The following PRKG1 variants were observed in gnomAD, a reference collection of about 807,000 sequenced individuals.
PRKG1 encodes cGMP-dependent protein kinase 1.
In PRKG1, 35 loss-of-function variants were observed where a neutral mutation model predicts 88.1. That is an observed-to-expected ratio of 0.40 (90% CI 0.30 to 0.53). The LOEUF (loss-of-function observed/expected upper bound fraction) is 0.53, where lower values mean the gene tolerates loss of function less well. PRKG1 is among the 20% of genes least tolerant of loss of function. PRKG1 has a pLI of 0.59. For missense variants in PRKG1, 540 were observed against 839.8 expected, an observed-to-expected ratio of 0.64 and a Z score of 4.41; for synonymous variants, 303 against 292.5, an observed-to-expected ratio of 1.04 and a Z score of -0.37.
chr10:52,279,943 G>A (rs1260327254), intron 12 of PRKG1, among the ~76,000 whole-genome samples: 8 of 151,546 alleles, frequency 5.3e-5, no homozygotes, highest in South Asian at 4.2e-4. Context: ...AAGTTAAGAC[G>A]TTCTGCCCTA....
At chr10:51,391,066 G>T (rs1293048312) in intron 2 of PRKG1, among the ~76,000 whole-genome samples, 1 of 152,176 alleles carries the variant, frequency 6.6e-6, no homozygotes, top group Non-Finnish European at 1.5e-5. Flanking sequence ...ACTGAGAGGG[G>T]GAGAGGCTGT....
At position 51,091,696 on chromosome 10, in the gene PRKG1, A is replaced by G. The variant is rs575969819; in HGVS notation, c.311+16795A>G. Among the ~76,000 whole-genome samples, 4 of 152,276 alleles carry G rather than the reference A, an allele frequency of 2.6e-5. No homozygotes were observed. In the East Asian group the frequency reaches 5.8e-4, roughly 22 times the overall value. On this transcript the variant is annotated intron_variant, in intron 1 of 17. Transcript: ENST00000373980. The stretch of plus-strand genomic sequence containing the variant: ...CCTAGATCTGGTATATTAGTGTATT[A>G]ATGATCTGATTAGCAGTAACAACAG...
At position 52,188,250 on chromosome 10, in the gene PRKG1, G is replaced by A. The variant is rs71490906; in HGVS notation, c.1076+26287G>A. Among the ~76,000 whole-genome samples, 24 of 46,852 alleles carry A rather than the reference G, an allele frequency of 5.1e-4. 1 individual carries two copies. The East Asian group carries it at 5.4e-3, about 10-fold the overall frequency. The allele number at this position is 46,852 out of a possible 152,430, so 30.7% of individuals were successfully genotyped here. On this transcript the variant is annotated intron_variant, in intron 9 of 17. Coordinates refer to ENST00000373980, the MANE Select transcript of PRKG1 (RefSeq NM_006258.4). ...CATATGTATATATATACATATATAT[G>A]TGTATATATATACATATGTATATAT...
chr10:51,762,108 A>T (rs1043822030), intron 3 of PRKG1, among the ~76,000 whole-genome samples: 1 of 152,230 alleles, frequency 6.6e-6, no homozygotes, highest in Admixed American at 6.5e-5. Flanking sequence ...ATAGAAGCAG[A>T]TATAAGAACA....
chr10:52,068,163 A>G (rs1275021645), intron 7 of PRKG1, among the ~76,000 whole-genome samples: 1 of 135,812 alleles, frequency 7.4e-6, no homozygotes, highest in Non-Finnish European at 1.5e-5. Flanking sequence ...AGATCGCGCC[A>G]CTGCACTCCA....
At chr10:51,461,192 C>T (rs1285899133) in intron 2 of PRKG1, among the ~76,000 whole-genome samples, 1 of 152,070 alleles carries the variant, frequency 6.6e-6, no homozygotes, top group Non-Finnish European at 1.5e-5. Context: ...TTTGCCTAAT[C>T]TAAGGAGAAG....
chr10:51,440,802 A>G (rs1839081835), intron 2 of PRKG1, among the ~76,000 whole-genome samples: 1 of 151,930 alleles, frequency 6.6e-6, no homozygotes, highest in South Asian at 2.1e-4. Flanking sequence ...AAACTTCTCC[A>G]GGAAAGGTAG....
At chr10:51,564,625 A>G (rs1318838747) in intron 3 of PRKG1, among the ~76,000 whole-genome samples, 1 of 152,136 alleles carries the variant, frequency 6.6e-6, no homozygotes, top group Non-Finnish European at 1.5e-5. Flanking sequence ...AGTAGGCTTC[A>G]AGATATTAAG....
intron 4 of PRKG1, among the ~76,000 whole-genome samples, chr10:51,898,433 A>C (rs1460312359): frequency 1.3e-5 from 2 of 152,012 alleles, no homozygotes; most frequent in African/African-American, 4.8e-5. Flanking sequence ...TCTTTGGTGC[A>C]CTGATGAATC....
chr10:51,312,415 A>G (rs1841212274), intron 2 of PRKG1, among the ~76,000 whole-genome samples: 1 of 152,208 alleles, frequency 6.6e-6, no homozygotes, highest in South Asian at 2.1e-4. Context: ...CTGCGCTATG[A>G]CAAACAGCCC....
chr10:51,158,954 A>G (rs1370865785), intron 2 of PRKG1, among the ~76,000 whole-genome samples: 1 of 152,010 alleles, frequency 6.6e-6, no homozygotes, highest in Non-Finnish European at 1.5e-5. Flanking sequence ...TTCTGTTGTT[A>G]TTGAACTGAG....
At chr10:51,177,978 G>T (rs563854636) in intron 2 of PRKG1, among the ~76,000 whole-genome samples, 1 of 152,078 alleles carries the variant, frequency 6.6e-6, no homozygotes, top group Non-Finnish European at 1.5e-5. Context: ...AGCTAACATT[G>T]CTATATTGCT....
intron 2 of PRKG1, among the ~76,000 whole-genome samples, chr10:51,401,969 CTA>C (rs1175621801): frequency 6.6e-6 from 1 of 152,114 alleles, no homozygotes; most frequent in East Asian, 1.9e-4. Context: ...TGCTGCCTCT[CTA>C]TTTATCCAAT....
chr10:51,565,022 A>G (rs1346505006), intron 3 of PRKG1, among the ~76,000 whole-genome samples: 2 of 152,076 alleles, frequency 1.3e-5, no homozygotes, highest in Admixed American at 6.6e-5. Context: ...AGCATTACAC[A>G]CAAAAGGTCA....
At chr10:51,980,436 T>A (rs1277714250) in intron 5 of PRKG1, among the ~76,000 whole-genome samples, 1 of 152,190 alleles carries the variant, frequency 6.6e-6, no homozygotes, top group African/African-American at 2.4e-5. Context: ...CCTGTGGTGA[T>A]GAGAAGAATG....
intron 3 of PRKG1, among the ~76,000 whole-genome samples, chr10:51,743,391 G>C (rs1391472682): frequency 6.6e-6 from 1 of 151,838 alleles, no homozygotes; most frequent in African/African-American, 2.4e-5. Flanking sequence ...GTCAGTGTTA[G>C]TCAAAGGCTG....
intron 3 of PRKG1, among the ~76,000 whole-genome samples, chr10:51,774,699 T>TA (rs1838390590): frequency 6.6e-6 from 1 of 152,076 alleles, no homozygotes; most frequent in South Asian, 2.1e-4. Flanking sequence ...GCAGTTACTT[T>TA]AAAAAAATTG....
chr10:51,610,944 A>G (rs1838890489), intron 3 of PRKG1, among the ~76,000 whole-genome samples: 1 of 152,056 alleles, frequency 6.6e-6, no homozygotes, highest in Non-Finnish European at 1.5e-5. Flanking sequence ...TAATGCAAGC[A>G]GGGCTTAAAA....
intron 7 of PRKG1, among the ~76,000 whole-genome samples, chr10:52,133,363 T>C (rs1006416317): frequency 2.6e-5 from 4 of 152,100 alleles, no homozygotes; most frequent in Non-Finnish European, 4.4e-5. Context: ...GCCAAAACAT[T>C]AGCTACATAA....
Sources: allele counts gnomAD v4.1 joint callset (sites outside exome capture counted in the v4.1 genomes callset), GRCh38; gene constraint gnomAD v4.1.1; transcripts MANE v1.5; gene names NCBI Gene and HGNC (gene_info 2026-07-23, HGNC 2026-07-21).